BLTP3A: variants seen among roughly 807,000 people sequenced by gnomAD.
BLTP3A encodes ICBP90 binding protein 1.
chr6:34,801,734 T>C, the BLTP3A span, among the ~76,000 whole-genome samples: 2 of 143,666 alleles, frequency 1.4e-5, no homozygotes, highest in Admixed American at 1.4e-4. Flanking sequence ...TATTTATTTA[T>C]TTTTTGAGAC....
chr6:34,793,787 T>C, the BLTP3A span, among the ~76,000 whole-genome samples: 1 of 152,130 alleles, frequency 6.6e-6, no homozygotes, highest in Admixed American at 6.5e-5. Flanking sequence ...AGGAGAATTG[T>C]ATAATTTGAA....
the BLTP3A span, among the ~76,000 whole-genome samples, chr6:34,817,811 G>A: frequency 3.3e-5 from 5 of 151,630 alleles, no homozygotes; most frequent in South Asian, 1.0e-3. Context: ...GAAGTGGTTA[G>A]GACCATGCAT....
chr6:34,871,805 C>T, the BLTP3A span: 2 of 1,613,504 alleles, frequency 1.2e-6, no homozygotes, highest in Non-Finnish European at 1.7e-6. Context: ...AGAACCTTTA[C>T]TTGTTTTCTC....
the BLTP3A span, chr6:34,836,151 T>G: frequency 6.2e-7 from 1 of 1,613,860 alleles, no homozygotes; most frequent in South Asian, 1.1e-5. Context: ...CTCTGTCACA[T>G]GTAGATCACT....
At chr6:34,867,090 AGTCC>A in the BLTP3A span, 1 of 788,952 alleles carries the variant, frequency 1.3e-6, no homozygotes, top group Non-Finnish European at 1.7e-6. Context: ...ATATCTAGTT[AGTCC>A]TCAAATTTCT....
chr6:34,811,811 C>T, the BLTP3A span, among the ~76,000 whole-genome samples: 114 of 151,676 alleles, frequency 7.5e-4, 2 homozygotes, highest in Admixed American at 5.5e-3. Context: ...GAGCCGAGAT[C>T]GTGCCACTGT....
the BLTP3A span, chr6:34,859,702 G>A: frequency 2.9e-6 from 4 of 1,376,808 alleles, no homozygotes; most frequent in Non-Finnish European, 3.9e-6. Context: ...TGCATAGAAT[G>A]GCCTATTTAA....
the BLTP3A span, among the ~76,000 whole-genome samples, chr6:34,847,921 C>CTTTCTTTTTTTTTTTTTTTTTTTT: frequency 2.7e-4 from 25 of 91,172 alleles, 5 homozygotes; most frequent in African/African-American, 6.2e-4. Flanking sequence ...TCTTTTTTTC[C>CTTTCTTTTTTTTTTTTTTTTTTTT]TTTTTTTTTT....
chr6:34,850,443 T>G, the BLTP3A span, among the ~76,000 whole-genome samples: 1 of 152,256 alleles, frequency 6.6e-6, no homozygotes, highest in African/African-American at 2.4e-5. Flanking sequence ...GAGTGAACTT[T>G]CTACCCCAAT....
At chr6:34,859,680 A>T in the BLTP3A span, 5 of 1,485,416 alleles carry the variant, frequency 3.4e-6, no homozygotes, top group Non-Finnish European at 4.5e-6. Flanking sequence ...AGTACCATAT[A>T]GTCCAGGAGA....
At chr6:34,836,701 G>T in the BLTP3A span, among the ~76,000 whole-genome samples, 1 of 152,114 alleles carries the variant, frequency 6.6e-6, no homozygotes, top group East Asian at 1.9e-4. Flanking sequence ...CTTATCAGAG[G>T]TTGAAAACGA....
the BLTP3A span, among the ~76,000 whole-genome samples, chr6:34,818,020 A>AT: frequency 6.4e-4 from 94 of 147,188 alleles, 1 homozygote; most frequent in East Asian, 1.2e-3. Context: ...CGACCGGCTA[A>AT]TTTTTTTTTT....
the BLTP3A span, among the ~76,000 whole-genome samples, chr6:34,792,495 C>A: frequency 3.3e-5 from 5 of 152,188 alleles, no homozygotes; most frequent in Admixed American, 2.0e-4. Context: ...CTCTGTGCTT[C>A]CCCCGCGCTG....
the BLTP3A span, among the ~76,000 whole-genome samples, chr6:34,842,009 CTATT>C: frequency 6.6e-6 from 1 of 152,158 alleles, no homozygotes; most frequent in Admixed American, 6.6e-5. Context: ...TTTATATACA[CTATT>C]TACCATTTAT....
the BLTP3A span, among the ~76,000 whole-genome samples, chr6:34,837,622 G>A: frequency 2.6e-5 from 4 of 152,142 alleles, no homozygotes; most frequent in East Asian, 7.7e-4. Flanking sequence ...AGGTTGCAGT[G>A]AGCCATGATT....
the BLTP3A span, among the ~76,000 whole-genome samples, chr6:34,832,123 CT>C: frequency 2.8e-3 from 399 of 141,730 alleles, 1 homozygote; most frequent in Middle Eastern, 3.6e-3. Flanking sequence ...TTTTTTCTTT[CT>C]TTTTTTTTTT....
chr6:34,871,788 G>T, the BLTP3A span: 1 of 1,612,686 alleles, frequency 6.2e-7, no homozygotes, highest in South Asian at 1.1e-5. Flanking sequence ...GCAGCAGTTT[G>T]TCACTTAGAA....
the BLTP3A span, chr6:34,858,517 C>T: frequency 1.7e-5 from 27 of 1,613,998 alleles, no homozygotes; most frequent in African/African-American, 4.0e-5. Flanking sequence ...TTTTGTAGCC[C>T]CCTTCCCCCT....
At chr6:34,875,574 T>TC in the BLTP3A span, 1 of 152,048 alleles carries the variant, frequency 6.6e-6, no homozygotes, top group East Asian at 1.9e-4. Flanking sequence ...AAGGCTAACC[T>TC]CCTAATGGCT....
Sources: allele counts gnomAD v4.1 joint callset (sites outside exome capture counted in the v4.1 genomes callset), GRCh38; gene constraint gnomAD v4.1.1; transcripts MANE v1.5; gene names NCBI Gene and HGNC (gene_info 2026-07-23, HGNC 2026-07-21).